The following MUC3A variants were observed in gnomAD, a reference collection of about 807,000 sequenced individuals.
MUC3A encodes mucin 3A, cell surface associated, also known as mucin-3A.
Under a neutral mutation model 109.0 loss-of-function variants are expected in MUC3A, and 109 were observed. The observed-to-expected ratio is 1.00, with a 90% CI of 0.86 to 1.17. The LOEUF (loss-of-function observed/expected upper bound fraction) is 1.17, where lower values mean the gene tolerates loss of function less well. Among genes scored for constraint, MUC3A ranks in the 50% most tolerant of loss-of-function variants. The probability of loss-of-function intolerance (pLI) is 0.00; values close to 1 mark genes in which losing one functional copy is unlikely to be tolerated. For synonymous variants in MUC3A, 1,398 were observed against 981.4 expected, an observed-to-expected ratio of 1.42 and a Z score of -7.93; for missense variants, 3,537 against 2,469.4, an observed-to-expected ratio of 1.43 and a Z score of -9.16.
rs73714231 is a variant in MUC3A, at chr7:100,952,327, C to T, written c.548C>T (p.Thr183Met). ...TYSMTTTEKG[T>M]SAMTSSPSTT... Reference sequence around the variant, plus strand: ...TCTATGACCACTACTGAGAAAGGAACGTCAGCCATGACATCTTCTCCCTCT... The same window carrying T: ...TCTATGACCACTACTGAGAAAGGAATGTCAGCCATGACATCTTCTCCCTCT... The change falls in exon 2 of 12, where the codon ACG becomes ATG. Residue 183 changes from threonine (T) to methionine (M), a missense_variant. Thr to Met is a moderately conservative substitution (Grantham distance 81). Coordinates refer to ENST00000379458, the MANE Select transcript of MUC3A (RefSeq NM_005960.2). 0.18 allele frequency: 277,815 copies of T among 1,573,612 alleles called. 25 individuals carry two copies. The highest frequency in any genetic ancestry group is 0.2 in the Non-Finnish European group (226,842 of 1,161,776).
Position 100,953,667 on chromosome 7 carries a change from A to T in MUC3A, c.1888A>T (p.Thr630Ser), listed in dbSNP as rs1792029705. ...MSTESLTTAM[T>S]SPPITSSVTS... ...CACAGAATCTCTCACAACAGCCATG[A>T]CTTCTCCTCCCATCACTTCATCAGT... Residue 630 changes from threonine to serine, a missense_variant, in exon 2 of 12, where the codon ACT becomes TCT. By Grantham distance (58) the Thr-to-Ser change is moderately conservative. Transcript: ENST00000379458. 4.8e-6 allele frequency: 2 copies of T among 414,942 alleles called. No homozygotes were observed. The highest frequency in any genetic ancestry group is 3.3e-4 in the Middle Eastern group (1 of 3,060). 25.7% of individuals were successfully genotyped at this position (414,942 alleles called of 1,614,324 possible).
Position 100,965,751 on chromosome 7 carries a change from C to T in MUC3A, c.9496C>T (p.Pro3166Ser), listed in dbSNP as rs775605499. 3 of 1,598,448 alleles carry T rather than the reference C, an allele frequency of 1.9e-6. No individual in the cohort carries two copies. Among genetic ancestry groups the T allele is most frequent in the Non-Finnish European group, 2.5e-6 (3 of 1,179,782 alleles). The change falls in exon 8 of 12, where the codon CCC (proline) becomes TCC (serine). Residue 3166 changes from proline to serine, a missense_variant. Pro to Ser is a moderately conservative substitution (Grantham distance 74). Coordinates refer to ENST00000379458, the MANE Select transcript of MUC3A (RefSeq NM_005960.2). ...APTGYEEFYF[P>S]LVEATRLRCV... The stretch of plus-strand genomic sequence containing the variant: ...CACGGGCTATGAAGAGTTCTACTTC[C>T]CCTTGGTGGAGGCCACCCGGCTCCG...
In MUC3A at chr7:100,958,828, C is replaced by G. The variant is rs778873139; in HGVS notation, c.7049C>G (p.Thr2350Ser). ...SFTSSITTTE[T>S]NSHSTTSFTS... Reference sequence around the variant, plus strand: ...ACTTCTTCGATCACCACCACCGAGACCAACTCTCACAGTACTACCAGCTTC... The same window carrying G: ...ACTTCTTCGATCACCACCACCGAGAGCAACTCTCACAGTACTACCAGCTTC... Residue 2350 changes from threonine (T) to serine (S), a missense_variant, in exon 2 of 12, where the codon ACC becomes AGC. Thr to Ser is a moderately conservative substitution (Grantham distance 58, BLOSUM62 1). Transcript: ENST00000379458. 5 of 1,409,036 alleles carry G rather than the reference C, an allele frequency of 3.5e-6. No individual in the cohort carries two copies. Among genetic ancestry groups the G allele is most frequent in the African/African-American group, 2.5e-5 (1 of 40,734 alleles). 87.3% of individuals were successfully genotyped at this position (1,409,036 alleles called of 1,614,324 possible). A position where few individuals can be genotyped will look rare whatever the true frequency, so the allele number is the denominator to read the frequency against.
At position 100,957,390 on chromosome 7, in the gene MUC3A, T is replaced by G; in HGVS notation, c.5611T>G (p.Ser1871Ala). ...NMTGTLSTVT[S>A]LRPTSSSLLT... ...GACAGGTACATTGTCCACTGTGACCTCTCTTCGACCCACCTCTTCCTCTCT... is the reference window on the plus strand; with the variant it reads ...GACAGGTACATTGTCCACTGTGACCGCTCTTCGACCCACCTCTTCCTCTCT... The change falls in exon 2 of 12, where the codon TCT (serine) becomes GCT (alanine). Residue 1871 changes from serine to alanine, a missense_variant. Physicochemically the swap from Ser to Ala is moderately conservative, Grantham distance 99. Coordinates refer to ENST00000379458, the MANE Select transcript of MUC3A (RefSeq NM_005960.2). 1.5e-6 allele frequency: 1 copy of G among 646,482 alleles called. No homozygotes were observed. Among genetic ancestry groups the G allele is most frequent in the Non-Finnish European group, 2.4e-6 (1 of 410,596 alleles). The allele number at this position is 646,482 out of a possible 1,614,324, so 40.0% of individuals were successfully genotyped here. A position where few individuals can be genotyped will look rare whatever the true frequency, so the allele number is the denominator to read the frequency against.
chr7:100,957,847 C>G lies in MUC3A; in HGVS notation c.6068C>G (p.Thr2023Ser), dbSNP rs888774927. 2.6e-6 allele frequency: 2 copies of G among 775,452 alleles called. No individual in the cohort carries two copies. Among genetic ancestry groups the G allele is most frequent in the South Asian group, 2.8e-5 (2 of 71,968 alleles). 48.0% of individuals were successfully genotyped at this position (775,452 alleles called of 1,614,324 possible). Reference protein sequence around the residue: ...ITTTETTSHNTPSLTSSITTT... With the variant: ...ITTTETTSHNSPSLTSSITTT... ...ACCACTGAGACCACATCCCACAATA[C>G]TCCCAGCTTGACTTCTTCGATCACA... Residue 2023 changes from threonine to serine, a missense_variant, in exon 2 of 12, where the codon ACT (threonine) becomes AGT (serine). Transcript: ENST00000379458.
rs1440038934 is a variant in MUC3A at position 100,960,213 on chromosome 7, A to G, written c.8434A>G (p.Met2812Val). ...AACAGTCTTTCCCTTTACTACCGAA[A>G]TGGTCACCTGTCCTACCTCCATCAG... Reference protein sequence around the residue: ...PLTVFPFTTEMVTCPTSISIQ... With the variant: ...PLTVFPFTTEVVTCPTSISIQ... The change falls in exon 2 of 12, where the codon ATG (methionine) becomes GTG (valine). Residue 2812 changes from methionine (M) to valine (V), a missense_variant. Physicochemically the swap from Met to Val is conservative, Grantham distance 21 (BLOSUM62 1). Coordinates refer to ENST00000379458, the MANE Select transcript of MUC3A (RefSeq NM_005960.2). The G allele has an allele frequency of 1.3e-6, 2 of 1,595,900 alleles. No homozygotes were observed. Among genetic ancestry groups the G allele is most frequent in the African/African-American group, 1.3e-5 (1 of 74,932 alleles).
chr7:100,962,261 A>C lies in MUC3A; in HGVS notation c.9053-890A>C, dbSNP rs1425905422. 3.2e-3 allele frequency among the ~76,000 whole-genome samples: 7 copies of C among 2,206 alleles called. 2 individuals carry two copies. The highest frequency in any genetic ancestry group is 8.5e-3 in the Non-Finnish European group (6 of 710). 1.4% of individuals were successfully genotyped at this position (2,206 alleles called of 152,430 possible). On this transcript the variant is annotated intron_variant, in intron 3 of 11. Coordinates refer to ENST00000379458, the MANE Select transcript of MUC3A (RefSeq NM_005960.2). ...AAAAAAAAAAAAAAAAAAAAAAAAA[A>C]AAAAAACTTACCTGGGCATGGTGGC...
rs1354737377 is a variant in MUC3A at position 100,959,989 on chromosome 7, C to T, written c.8210C>T (p.Ala2737Val). Residue 2737 changes from alanine (A) to valine (V), a missense_variant, in exon 2 of 12, where the codon GCA becomes GTA. Transcript: ENST00000379458. ...GGCTTTCCTAGTCTCTCTTCCTCTG[C>T]AACTACCAGCACTTCTTCAACCAGC... ...ITGFPSLSSS[A>V]TTSTSSTSSS... The T allele has an allele frequency of 1.3e-6, 2 of 1,505,446 alleles. No individual in the cohort carries two copies. The highest frequency in any genetic ancestry group is 1.8e-6 in the Non-Finnish European group (2 of 1,138,310). 93.3% of individuals were successfully genotyped at this position (1,505,446 alleles called of 1,614,324 possible).
intron 4 of MUC3A, 53 bp downstream of exon 4, chr7:100,963,319 ACT>A (rs1792405583): frequency 8.4e-7 from 1 of 1,192,144 alleles, no homozygotes; most frequent in Non-Finnish European, 1.1e-6. Flanking sequence ...GTAGTCTCGC[ACT>A]CTCACCCTGG....
chr7:100,952,150 C>A lies in MUC3A; in HGVS notation c.371C>A (p.Ala124Asp). 6.3e-7 allele frequency: 1 copy of A among 1,598,506 alleles called. No individual in the cohort carries two copies. The highest frequency in any genetic ancestry group is 8.5e-7 in the Non-Finnish European group (1 of 1,179,736). ...CCACCCACCGTGTTGGTCTATTCAGCCACCACTGAGTGCGTGTATCCAACG... is the reference window on the plus strand; with the variant it reads ...CCACCCACCGTGTTGGTCTATTCAGACACCACTGAGTGCGTGTATCCAACG... ...TTPPTVLVYS[A>D]TTECVYPTSF... Residue 124 changes from alanine (A) to aspartate (D), a missense_variant, in exon 2 of 12, where the codon GCC becomes GAC. By Grantham distance (126) the Ala-to-Asp change is moderately radical. Coordinates refer to ENST00000379458, the MANE Select transcript of MUC3A (RefSeq NM_005960.2).
chr7:100,949,633 G>C lies in MUC3A; in HGVS notation c.9G>C (p.Leu3=), dbSNP rs139303233. 25,558 of 1,554,834 alleles carry C rather than the reference G, an allele frequency of 0.016. 203 individuals carry two copies. The highest frequency in any genetic ancestry group is 0.019 in the Non-Finnish European group (21,862 of 1,157,588). ...CCCTGCCCGCTGGGCCCATGCAGCT[G>C]TTGGGGCTCCTCGGCCTCCTCTGGA... MQ[L]LGLLGLLWML... The change falls in exon 1 of 12, where the codon CTG becomes CTC. Residue 3 remains leucine, a synonymous_variant. Transcript: ENST00000379458.
rs760427987 is a variant in MUC3A, at chr7:100,960,514, C to A, written c.8735C>A (p.Pro2912His). ...ILRTSSKSTH[P>H]SPPTTRTSET... is the part of the protein sequence containing the mutation. ...AGGACTTCAAGCAAGTCAACACACC[C>A]CTCCCCACCCACCACTAGGACTTCA... Residue 2912 changes from proline to histidine, a missense_variant, in exon 2 of 12, where the codon CCC (proline) becomes CAC (histidine). By Grantham distance (77) the Pro-to-His change is moderately conservative. Coordinates refer to ENST00000379458, the MANE Select transcript of MUC3A (RefSeq NM_005960.2). 9 of 1,598,710 alleles carry A rather than the reference C, an allele frequency of 5.6e-6. No individual in the cohort carries two copies. Among genetic ancestry groups the A allele is most frequent in the Middle Eastern group, 3.3e-4 (2 of 6,060 alleles).
chr7:100,958,731 T>G lies in MUC3A; in HGVS notation c.6952T>G (p.Ser2318Ala). 6.6e-7 allele frequency: 1 copy of G among 1,515,568 alleles called. No individual in the cohort carries two copies. The highest frequency in any genetic ancestry group is 8.9e-7 in the Non-Finnish European group (1 of 1,120,568). The allele number at this position is 1,515,568 out of a possible 1,614,324, so 93.9% of individuals were successfully genotyped here. A position where few individuals can be genotyped will look rare whatever the true frequency, so the allele number is the denominator to read the frequency against. The change falls in exon 2 of 12, where the codon TCA becomes GCA. Residue 2318 changes from serine (S) to alanine (A), a missense_variant. By Grantham distance (99) the Ser-to-Ala change is moderately conservative. Transcript: ENST00000379458. ...TSSITTTETT[S>A]HSAHSFTSSI... ...TTCGATCACCACCACGGAGACCACC[T>G]CACACAGTGCTCACAGCTTCACTTC... is the stretch of plus-strand genomic sequence containing the variant.
intron 8 of MUC3A, 183 bp downstream of exon 8, chr7:100,966,049 T>TCGCCCTAAAGTGTAGCCCCGGCTCC: frequency 1.2e-6 from 1 of 855,048 alleles, no homozygotes; most frequent in Non-Finnish European, 1.7e-6. Flanking sequence ...GCTCTGCTCC[T>TCGCCCTAAAGTGTAGCCCCGGCTCC]TTGATGGGGT....
chr7:100,962,231 CAAAAAAAAAAAAAA>C (rs1171031869), intron 3 of MUC3A, among the ~76,000 whole-genome samples: 2 of 15,032 alleles, frequency 1.3e-4, no homozygotes, highest in African/African-American at 4.2e-4. Flanking sequence ...GACTCCGTCT[CAAAAAAAAAAAAAA>C]AAAAAAAAAA....
intron 7 of MUC3A, 85 bp from the exon 8 acceptor site, chr7:100,965,619 C>A (rs988368290): frequency 1.3e-6 from 2 of 1,535,938 alleles, no homozygotes; most frequent in Non-Finnish European, 8.7e-7. Flanking sequence ...ATCCTCCTCG[C>A]GCATATTCAG....
Position 100,960,619 on chromosome 7 carries a change from C to T in MUC3A, c.8840C>T (p.Thr2947Ile). 6.3e-7 allele frequency: 1 copy of T among 1,598,434 alleles called. No homozygotes were observed. Among genetic ancestry groups the T allele is most frequent in the Non-Finnish European group, 8.5e-7 (1 of 1,179,654 alleles). ...RTTRITSQMT[T>I]QSTLTTTAGT... ...ACTCGCATCACTTCTCAGATGACCA[C>T]ACAGTCCACGTTGACCACCACTGCA... is the stretch of plus-strand genomic sequence containing the variant. The change falls in exon 2 of 12, where the codon ACA becomes ATA. Residue 2947 changes from threonine (T) to isoleucine (I), a missense_variant. Coordinates refer to ENST00000379458, the MANE Select transcript of MUC3A (RefSeq NM_005960.2).
At chr7:100,965,598 T>A in intron 7 of MUC3A, 106 bp from the exon 8 acceptor site, 1 of 1,520,728 alleles carries the variant, frequency 6.6e-7, no homozygotes, top group Non-Finnish European at 8.8e-7. Flanking sequence ...GCATCCCACC[T>A]CGGAAATGGA....
rs1792595689 is a variant in MUC3A, at chr7:100,966,891, C to G, written c.9878-8C>G. On this transcript the variant is annotated splice_region_variant and splice_polypyrimidine_tract_variant and intron_variant, in intron 10 of 11. Coordinates refer to ENST00000379458, the MANE Select transcript of MUC3A (RefSeq NM_005960.2). ...CCCTTCTCTTTCTCCGCTCCTCTCT[C>G]TCTCTAGACAAGGATACAAATTTCT... The G allele has an allele frequency of 6.3e-7, 1 of 1,598,544 alleles. No homozygotes were observed. The highest frequency in any genetic ancestry group is 1.3e-5 in the African/African-American group (1 of 75,086).
Sources: gnomAD v4.1 joint callset for allele counts (sites outside exome capture counted in the v4.1 genomes callset) on GRCh38, gnomAD v4.1.1 for gene constraint, MANE v1.5 for transcripts, NCBI Gene and HGNC (gene_info 2026-07-23, HGNC 2026-07-21) for gene names.